Variants in NTM observed in about 807,000 individuals in gnomAD.
NTM encodes IgLON family member 2.
In NTM, 13 loss-of-function variants were observed where a neutral mutation model predicts 42.1. That is an observed-to-expected ratio of 0.31 (90% CI 0.20 to 0.49). NTM has a LOEUF of 0.49. NTM is among the 20% of genes least tolerant of loss of function. NTM has a pLI of 0.99. For missense variants in NTM, 373 were observed against 452.8 expected, an observed-to-expected ratio of 0.82 and a Z score of 1.60; for synonymous variants, 187 against 179.2, an observed-to-expected ratio of 1.04 and a Z score of -0.35.
At chr11:131,688,238 G>T (rs765211035) in intron 1 of NTM, among the ~76,000 whole-genome samples, 13 of 152,164 alleles carry the variant, frequency 8.5e-5, no homozygotes, top group Non-Finnish European at 1.5e-4. Context: ...CCGGGGCGGG[G>T]GAGGGCCCCT....
chr11:131,668,250 CTCTA>C (rs10667464), intron 1 of NTM, among the ~76,000 whole-genome samples: 2,785 of 147,774 alleles, frequency 0.019, 22 homozygotes, highest in East Asian at 0.042. Context: ...GTATATCTAC[CTCTA>C]TCTATCTATC....
At chr11:131,658,256 T>C (rs2067462177) in intron 1 of NTM, among the ~76,000 whole-genome samples, 1 of 152,224 alleles carries the variant, frequency 6.6e-6, no homozygotes, top group South Asian at 2.1e-4. Context: ...GACTTACACA[T>C]AGAATGTGCT....
intron 2 of NTM, among the ~76,000 whole-genome samples, chr11:132,095,461 A>AGTG (rs907995628): frequency 1.3e-5 from 2 of 152,160 alleles, no homozygotes; most frequent in African/African-American, 4.8e-5. Context: ...CAAGGCTGTA[A>AGTG]GTGGTGTCTT....
intron 1 of NTM, among the ~76,000 whole-genome samples, chr11:131,463,060 A>G (rs1223464562): frequency 6.6e-6 from 1 of 152,112 alleles, no homozygotes; most frequent in Non-Finnish European, 1.5e-5. Context: ...CCCTTTAGAG[A>G]GCTGCCCTCT....
At chr11:132,273,645 G>A (rs1054657340) in intron 4 of NTM, among the ~76,000 whole-genome samples, 4 of 152,088 alleles carry the variant, frequency 2.6e-5, no homozygotes, top group Non-Finnish European at 5.9e-5. Context: ...GGTGGCTCAT[G>A]CCTGTAATTC....
chr11:131,466,098 A>C (rs1157906283), intron 1 of NTM, among the ~76,000 whole-genome samples: 2 of 152,222 alleles, frequency 1.3e-5, no homozygotes, highest in African/African-American at 4.8e-5. Flanking sequence ...GCATGTGAGC[A>C]GGTGCGTGAT....
At chr11:131,520,075 G>A (rs192627688) in intron 1 of NTM, among the ~76,000 whole-genome samples, 52 of 152,342 alleles carry the variant, frequency 3.4e-4, no homozygotes, top group Admixed American at 2.1e-3. Flanking sequence ...TACCTAAAAG[G>A]TGGTGAATAG....
At chr11:131,985,088 T>C (rs565570513) in intron 2 of NTM, among the ~76,000 whole-genome samples, 1 of 152,280 alleles carries the variant, frequency 6.6e-6, no homozygotes, top group Non-Finnish European at 1.5e-5. Context: ...CTTCATTTGC[T>C]TGAAAATAGG....
At chr11:131,418,599 T>A (rs997783365) in intron 1 of NTM, among the ~76,000 whole-genome samples, 2 of 152,110 alleles carry the variant, frequency 1.3e-5, no homozygotes, top group Non-Finnish European at 2.9e-5. Flanking sequence ...GGCACCATGA[T>A]TAAATTGGCC....
chr11:131,504,113 C>T (rs931265781), intron 1 of NTM, among the ~76,000 whole-genome samples: 7 of 152,126 alleles, frequency 4.6e-5, no homozygotes, highest in Non-Finnish European at 1.0e-4. Flanking sequence ...CAGCTTCCTC[C>T]AGGCCCCTGC....
chr11:131,908,185 C>T (rs547600888), intron 1 of NTM, among the ~76,000 whole-genome samples: 102 of 152,306 alleles, frequency 6.7e-4, no homozygotes, highest in African/African-American at 2.3e-3. Flanking sequence ...GTTTGATTGT[C>T]TTAGATCAAC....
At chr11:131,581,162 C>G (rs2058373374) in intron 1 of NTM, among the ~76,000 whole-genome samples, 1 of 152,228 alleles carries the variant, frequency 6.6e-6, no homozygotes. Context: ...CTCAGAGAGA[C>G]AGAAGAGCTC....
At chr11:131,429,691 G>A (rs540764277) in intron 1 of NTM, among the ~76,000 whole-genome samples, 16 of 152,222 alleles carry the variant, frequency 1.1e-4, no homozygotes, top group African/African-American at 2.9e-4. Flanking sequence ...GGGGTCTCTC[G>A]TGCAAACAAA....
intron 1 of NTM, among the ~76,000 whole-genome samples, chr11:131,578,233 T>G (rs1457183713): frequency 6.6e-6 from 1 of 152,156 alleles, no homozygotes; most frequent in African/African-American, 2.4e-5. Flanking sequence ...ATATCTAAGA[T>G]AATGGAATTT....
intron 8 of NTM, among the ~76,000 whole-genome samples, chr11:132,333,469 ATAG>A (rs1565506921): frequency 1.3e-5 from 2 of 152,242 alleles, no homozygotes; most frequent in African/African-American, 4.8e-5. Flanking sequence ...CTGTGGACAC[ATAG>A]TAGTTAGATT....
At chr11:131,797,086 C>CA (rs994499785) in intron 1 of NTM, among the ~76,000 whole-genome samples, 1 of 152,052 alleles carries the variant, frequency 6.6e-6, no homozygotes, top group African/African-American at 2.4e-5. Flanking sequence ...CTTTTTAGCA[C>CA]AAAAAAGATT....
intron 1 of NTM, among the ~76,000 whole-genome samples, chr11:131,500,492 T>C (rs2046603045): frequency 6.7e-6 from 1 of 149,308 alleles, no homozygotes; most frequent in Admixed American, 6.7e-5. Context: ...ATGAGATAAC[T>C]GAGGCATAGA....
chr11:132,302,245 TTC>T (rs2094893311), intron 4 of NTM, among the ~76,000 whole-genome samples: 3 of 152,174 alleles, frequency 2.0e-5, no homozygotes, highest in Admixed American at 2.0e-4. Context: ...TAAAACAAAT[TTC>T]TGTTAGATAA....
At chr11:132,310,305 A>G in intron 6 of NTM, 73 bp downstream of exon 6, 1 of 1,439,750 alleles carries the variant, frequency 6.9e-7, no homozygotes, top group South Asian at 1.5e-5. Context: ...TCCTGATTCC[A>G]CATTGTTGCA....
Sources: gnomAD v4.1 joint callset for allele counts (sites outside exome capture counted in the v4.1 genomes callset) on GRCh38, gnomAD v4.1.1 for gene constraint, MANE v1.5 for transcripts, NCBI Gene and HGNC (gene_info 2026-07-23, HGNC 2026-07-21) for gene names.